The following SLC25A43 variants were observed in gnomAD, a reference collection of about 807,000 sequenced individuals.
SLC25A43 encodes solute carrier family 25, member 43.
In SLC25A43, 10 loss-of-function variants were observed where a neutral mutation model predicts 22.8. The observed-to-expected ratio is 0.44, with a 90% CI of 0.27 to 0.74. The LOEUF (loss-of-function observed/expected upper bound fraction) is 0.74, where lower values mean the gene tolerates loss of function less well. Ranked by LOEUF, SLC25A43 falls within the 30% of genes least tolerant of loss-of-function variation. The pLI is 0.17. For missense variants in SLC25A43, 233 were observed against 279.1 expected (o/e 0.83, Z 1.18); for synonymous variants, 106 against 121.6 (o/e 0.87, Z 0.84).
intron 3 of SLC25A43, among the ~76,000 whole-genome samples, chrX:119,448,799 A>G (rs1351317093): frequency 8.9e-6 from 1 of 112,267 alleles, no homozygotes; most frequent in Non-Finnish European, 1.9e-5. Flanking sequence ...TTCCCCTGCA[A>G]TTAGACTTTC....
chrX:119,416,440 C>T (rs2052402685), intron 3 of SLC25A43, among the ~76,000 whole-genome samples: 1 of 111,900 alleles, frequency 8.9e-6, no homozygotes, highest in African/African-American at 3.2e-5. Flanking sequence ...AGGCTGGTCT[C>T]GAACTCCTGG....
At chrX:119,443,794 G>A (rs1184417831) in intron 3 of SLC25A43, among the ~76,000 whole-genome samples, 1 of 109,727 alleles carries the variant, frequency 9.1e-6, no homozygotes, top group Non-Finnish European at 1.9e-5. Context: ...TGCCCAGGCT[G>A]GATTGCCGTG....
At chrX:119,410,117 C>G in intron 2 of SLC25A43, 73 bp from the exon 3 acceptor site, 1 of 1,108,243 alleles carries the variant, frequency 9.0e-7, no homozygotes, top group Non-Finnish European at 1.2e-6. Flanking sequence ...CCCGGAATCC[C>G]CCCAGGAATT....
chrX:119,407,078 C>T (rs2052304180), intron 2 of SLC25A43, among the ~76,000 whole-genome samples: 1 of 113,003 alleles, frequency 8.8e-6, no homozygotes, highest in African/African-American at 3.2e-5. Context: ...GCCAGAGCTA[C>T]ACATTTATGG....
rs181874018 is a variant in SLC25A43, at chrX:119,408,632, A to T, written c.518-1558A>T. On this transcript the variant is annotated intron_variant, in intron 2 of 4. Coordinates refer to ENST00000217909, the MANE Select transcript of SLC25A43 (RefSeq NM_145305.3). The stretch of plus-strand genomic sequence containing the variant: ...GGAAGGTTGGTGAGCCAATTAAATA[A>T]ACATTACATTTTTCTAAAGATAAGC... Among the ~76,000 whole-genome samples, 6 of 112,390 alleles carry T rather than the reference A, an allele frequency of 5.3e-5. No individual in the cohort carries two copies. In the East Asian group the frequency reaches 1.7e-3, roughly 31 times the overall value.
intron 3 of SLC25A43, among the ~76,000 whole-genome samples, chrX:119,426,647 A>G (rs759701315): frequency 1.8e-5 from 2 of 110,240 alleles, no homozygotes; most frequent in South Asian, 7.8e-4. Context: ...ACACGACGAA[A>G]CCCCGTCTCT....
At chrX:119,411,361 G>A (rs1437402641) in intron 3 of SLC25A43, among the ~76,000 whole-genome samples, 1 of 110,676 alleles carries the variant, frequency 9.0e-6, no homozygotes, top group Non-Finnish European at 1.9e-5. Flanking sequence ...TTAGCTGGTT[G>A]TGGTGGCACA....
At chrX:119,421,383 C>T (rs2052451620) in intron 3 of SLC25A43, among the ~76,000 whole-genome samples, 1 of 111,803 alleles carries the variant, frequency 8.9e-6, no homozygotes, top group Admixed American at 9.6e-5. Flanking sequence ...TTTTTCACTG[C>T]TGGCAAATGA....
intron 3 of SLC25A43, among the ~76,000 whole-genome samples, chrX:119,417,452 G>C (rs2052413672): frequency 9.1e-6 from 1 of 110,395 alleles, no homozygotes; most frequent in African/African-American, 3.3e-5. Flanking sequence ...AAAAGAAAAA[G>C]GTTTCAGATG....
chrX:119,404,237 G>T (rs1256036983), intron 1 of SLC25A43, among the ~76,000 whole-genome samples: 1 of 110,390 alleles, frequency 9.1e-6, no homozygotes, highest in Middle Eastern at 4.2e-3. Context: ...CTGACCTCAA[G>T]TGATCTGCCT....
intron 3 of SLC25A43, among the ~76,000 whole-genome samples, chrX:119,410,678 C>G (rs191422803): frequency 1.8e-5 from 2 of 110,612 alleles, no homozygotes; most frequent in African/African-American, 6.6e-5. Context: ...CACTTGAGGT[C>G]AGGAGTCCAA....
chrX:119,405,184 A>G (rs1482952849), intron 1 of SLC25A43, among the ~76,000 whole-genome samples: 5 of 112,343 alleles, frequency 4.5e-5, no homozygotes, highest in African/African-American at 9.7e-5. Flanking sequence ...ACTTCCCTGT[A>G]TGTTTAAAAG....
At chrX:119,435,457 C>CTTTTTTTTT (rs1175233726) in intron 3 of SLC25A43, among the ~76,000 whole-genome samples, 11 of 54,706 alleles carry the variant, frequency 2.0e-4, no homozygotes, top group East Asian at 7.2e-4. Flanking sequence ...AGATTTTATT[C>CTTTTTTTTT]TTTTTTTTTT....
In SLC25A43 at chrX:119,449,737, GAAAGAAAAGAAAAGA is replaced by G. The variant is rs375013928; in HGVS notation, c.691-2260_691-2246del. On this transcript the variant is annotated intron_variant, in intron 3 of 4. Transcript: ENST00000217909. ...AGAGCGAGACTCTGTCTCAAAAAAA[GAAAGAAAAGAAAAGA>G]AAAGAAAAGAATTGAAAAGGACAAG... 2.7e-5 allele frequency among the ~76,000 whole-genome samples: 3 copies of G among 110,704 alleles called. No individual in the cohort carries two copies. The Admixed American group carries it at 2.9e-4, about 11-fold the overall frequency.
At chrX:119,444,537 C>T (rs2052648930) in intron 3 of SLC25A43, among the ~76,000 whole-genome samples, 1 of 107,495 alleles carries the variant, frequency 9.3e-6, no homozygotes, top group Non-Finnish European at 1.9e-5. Flanking sequence ...AACCCCATCT[C>T]TACTAAAAAT....
chrX:119,445,716 G>T (rs1334191169), intron 3 of SLC25A43, among the ~76,000 whole-genome samples: 1 of 111,761 alleles, frequency 8.9e-6, no homozygotes, highest in African/African-American at 3.3e-5. Flanking sequence ...GTTTTTGTTT[G>T]TGAAACGAAT....
intron 3 of SLC25A43, among the ~76,000 whole-genome samples, chrX:119,449,651 G>A (rs1444491941): frequency 9.1e-6 from 1 of 110,451 alleles, no homozygotes; most frequent in African/African-American, 3.3e-5. Context: ...GATCACCTGA[G>A]CCCAGGAGGT....
chrX:119,400,255 C>T (rs1258821085), intron 1 of SLC25A43, among the ~76,000 whole-genome samples: 2 of 110,689 alleles, frequency 1.8e-5, no homozygotes, highest in East Asian at 5.7e-4. Flanking sequence ...AGCTTCCCCT[C>T]CCCAAGCTGA....
At chrX:119,417,953 T>TA (rs888687528) in intron 3 of SLC25A43, among the ~76,000 whole-genome samples, 4 of 107,933 alleles carry the variant, frequency 3.7e-5, no homozygotes, top group Non-Finnish European at 5.8e-5. Context: ...CACCCTATGT[T>TA]AAAAAAAAAA....
Sources: gnomAD v4.1 joint callset for allele counts (sites outside exome capture counted in the v4.1 genomes callset) on GRCh38, gnomAD v4.1.1 for gene constraint, MANE v1.5 for transcripts, NCBI Gene and HGNC (gene_info 2026-07-23, HGNC 2026-07-21) for gene names.